Variants in PHTF2 observed in about 807,000 individuals in gnomAD.
PHTF2 encodes the protein putative homeodomain transcription factor 2.
In PHTF2, 60 loss-of-function variants were observed where a neutral mutation model predicts 101.2. The ratio of observed to expected loss-of-function variants is 0.59; its 90% confidence interval spans 0.48 to 0.73. The LOEUF (loss-of-function observed/expected upper bound fraction) is 0.73, where lower values mean the gene tolerates loss of function less well. Ranked by LOEUF, PHTF2 falls within the 30% of genes least tolerant of loss-of-function variation. PHTF2 has a pLI of 0.00. For missense variants in PHTF2, 747 were observed against 908.7 expected, an observed-to-expected ratio of 0.82 and a Z score of 2.29; for synonymous variants, 311 against 307.3, an observed-to-expected ratio of 1.01 and a Z score of -0.13.
chr7:77,845,985 A>G (rs150550700), intron 2 of PHTF2, among the ~76,000 whole-genome samples: 172 of 152,284 alleles, frequency 1.1e-3, no homozygotes, highest in African/African-American at 3.9e-3. Flanking sequence ...TTGCTTTTCT[A>G]GAGTTGGCTT....
chr7:77,814,668 C>T (rs1584371972), intron 1 of PHTF2, among the ~76,000 whole-genome samples: 3 of 151,960 alleles, frequency 2.0e-5, no homozygotes, highest in Non-Finnish European at 4.4e-5. Flanking sequence ...CGCGCCACCG[C>T]GCCCAGCTAA....
exon 10 of PHTF2, chr7:77,920,301 A>C (rs1343568800): frequency 6.3e-7 from 1 of 1,586,792 alleles, no homozygotes; most frequent in East Asian, 2.2e-5. Flanking sequence ...AAAGAATTCA[A>C]TTGATAAATC....
At chr7:77,816,026 T>G (rs552853931) in intron 1 of PHTF2, among the ~76,000 whole-genome samples, 3 of 152,204 alleles carry the variant, frequency 2.0e-5, no homozygotes, top group Non-Finnish European at 1.5e-5. Flanking sequence ...TTAGTCTGGC[T>G]TTTTGTATTC....
At chr7:77,849,493 G>A (rs915177600) in intron 2 of PHTF2, among the ~76,000 whole-genome samples, 4 of 152,028 alleles carry the variant, frequency 2.6e-5, no homozygotes, top group Admixed American at 2.6e-4. Flanking sequence ...CATGCAATGT[G>A]ATTCCTCCAG....
chr7:77,946,388 C>T (rs1222398935), intron 16 of PHTF2, among the ~76,000 whole-genome samples: 1 of 152,082 alleles, frequency 6.6e-6, no homozygotes, highest in Non-Finnish European at 1.5e-5. Context: ...CAGTTATCTG[C>T]TTTACCACTT....
exon 20 of PHTF2, chr7:77,955,417 C>T (rs532311022): frequency 1.9e-4 from 29 of 152,564 alleles, no homozygotes; most frequent in African/African-American, 6.0e-4. Flanking sequence ...TTAATATATA[C>T]GGTATTATAT....
At chr7:77,873,559 C>T (rs1584552385) in intron 3 of PHTF2, among the ~76,000 whole-genome samples, 1 of 152,088 alleles carries the variant, frequency 6.6e-6, no homozygotes, top group African/African-American at 2.4e-5. Flanking sequence ...GTTATCTTGC[C>T]TCACAGCTGC....
chr7:77,840,711 T>C (rs935994218), intron 2 of PHTF2, among the ~76,000 whole-genome samples: 1 of 152,050 alleles, frequency 6.6e-6, no homozygotes. Context: ...TTGGGAACTC[T>C]ATTTTACAAA....
rs544584179 is a variant in PHTF2 at position 77,946,492 on chromosome 7, TTTATATAGA to T, written c.1960-3185_1960-3177del. ...AAAACAATCGTAAACTATATGATTG[TTTATATAGA>T]ATATCCAAGCGACTTTACAGACACA... On this transcript the variant is annotated intron_variant, in intron 16 of 19. Coordinates refer to ENST00000416283, the Ensembl canonical transcript of PHTF2. 2.9e-4 allele frequency among the ~76,000 whole-genome samples: 44 copies of T among 152,310 alleles called. No individual in the cohort carries two copies. The East Asian group carries it at 8.1e-3, about 28-fold the overall frequency.
chr7:77,802,588 T>C (rs1457204123), intron 1 of PHTF2, among the ~76,000 whole-genome samples: 3 of 152,334 alleles, frequency 2.0e-5, no homozygotes, highest in African/African-American at 7.2e-5. Flanking sequence ...GTCTTCCAGG[T>C]TGGAGTACAG....
chr7:77,909,366 G>GT (rs977245331), intron 8 of PHTF2: 1,838 of 142,266 alleles, frequency 0.013, 14 homozygotes, highest in African/African-American at 0.018. Context: ...GTTTTGTTTT[G>GT]TTTTTTTTTT....
At chr7:77,803,659 G>A (rs549531394) in intron 1 of PHTF2, among the ~76,000 whole-genome samples, 3 of 151,770 alleles carry the variant, frequency 2.0e-5, no homozygotes, top group Non-Finnish European at 2.9e-5. Context: ...AAAAGTGGTT[G>A]TTGCAGTTAT....
rs138500180 is a variant in PHTF2 at position 77,881,677 on chromosome 7, C to A, written c.148-11931C>A. Among the ~76,000 whole-genome samples, 465 of 152,172 alleles carry A rather than the reference C, an allele frequency of 3.1e-3. 4 individuals are homozygous for A. The highest frequency in any genetic ancestry group is 9.7e-3 in the African/African-American group (403 of 41,528). Reference sequence around the variant, plus strand: ...TGAGCCACTGCACCCAGCCAAATGGCCTTTTTTCAAACCTGCTTTTATTCC... The same window carrying A: ...TGAGCCACTGCACCCAGCCAAATGGACTTTTTTCAAACCTGCTTTTATTCC... On this transcript the variant is annotated intron_variant, in intron 3 of 19. Transcript: ENST00000416283.
At chr7:77,938,900 T>C in intron 13 of PHTF2, among the ~76,000 whole-genome samples, 1 of 152,254 alleles carries the variant, frequency 6.6e-6, no homozygotes, top group South Asian at 2.1e-4. Context: ...CCACACTTTG[T>C]GTAAGACAGG....
chr7:77,843,692 T>G (rs1454273517), intron 2 of PHTF2, among the ~76,000 whole-genome samples: 1 of 152,216 alleles, frequency 6.6e-6, no homozygotes, highest in Non-Finnish European at 1.5e-5. Flanking sequence ...AATTTCCACT[T>G]TTCTACATTG....
At chr7:77,886,797 A>C (rs1424461559) in intron 3 of PHTF2, among the ~76,000 whole-genome samples, 1 of 152,158 alleles carries the variant, frequency 6.6e-6, no homozygotes, top group Non-Finnish European at 1.5e-5. Context: ...TAATCCCAGC[A>C]CTTTGGGAGG....
intron 3 of PHTF2, among the ~76,000 whole-genome samples, chr7:77,860,270 A>C (rs1243438344): frequency 6.6e-6 from 1 of 152,244 alleles, no homozygotes; most frequent in Non-Finnish European, 1.5e-5. Context: ...GCAGTTTAAA[A>C]AATTTATACT....
intron 1 of PHTF2, among the ~76,000 whole-genome samples, chr7:77,823,331 C>T (rs1794454950): frequency 6.6e-6 from 1 of 152,166 alleles, no homozygotes; most frequent in African/African-American, 2.4e-5. Context: ...AGGGATTCTT[C>T]TGCCTCAGCC....
chr7:77,887,077 A>C (rs1039969867), intron 3 of PHTF2, among the ~76,000 whole-genome samples: 1 of 151,694 alleles, frequency 6.6e-6, no homozygotes, highest in Admixed American at 6.6e-5. Context: ...TACAGTAACA[A>C]TGAATATAAG....
Sources: gnomAD v4.1 joint callset for allele counts (sites outside exome capture counted in the v4.1 genomes callset) on GRCh38, gnomAD v4.1.1 for gene constraint, MANE v1.5 for transcripts, NCBI Gene and HGNC (gene_info 2026-07-23, HGNC 2026-07-21) for gene names.